PCDH7: variants seen among roughly 807,000 people sequenced by gnomAD.
PCDH7 encodes the protein protocadherin-7.
Under a neutral mutation model 58.9 loss-of-function variants are expected in PCDH7, and 17 were observed. The observed-to-expected ratio is 0.29, with a 90% CI of 0.20 to 0.43. The LOEUF (loss-of-function observed/expected upper bound fraction) is 0.43, where lower values mean the gene tolerates loss of function less well. Among genes scored for constraint, PCDH7 ranks in the 20% least tolerant of loss-of-function variants. The pLI is 1.00. For synonymous variants in PCDH7, 664 were observed against 616.4 expected (o/e 1.08, Z -1.14); for missense variants, 1,274 against 1,441.0 (o/e 0.88, Z 1.88).
At chr4:30,964,247 TTTA>T (rs1193823631) in intron 3 of PCDH7, among the ~76,000 whole-genome samples, 21 of 41,260 alleles carry the variant, frequency 5.1e-4, no homozygotes, top group African/African-American at 3.9e-3. Flanking sequence ...TATTTATTTA[TTTA>T]TTTTTTTTTG....
chr4:30,977,316 G>A (rs1040570791), intron 3 of PCDH7, among the ~76,000 whole-genome samples: 3 of 151,946 alleles, frequency 2.0e-5, no homozygotes, highest in Non-Finnish European at 2.9e-5. Flanking sequence ...CCTTATCCCT[G>A]GTTTCCTCTT....
At chr4:30,956,965 G>A (rs750640479) in intron 3 of PCDH7, among the ~76,000 whole-genome samples, 2 of 152,086 alleles carry the variant, frequency 1.3e-5, no homozygotes, top group Non-Finnish European at 2.9e-5. Flanking sequence ...CGTGGAGGTC[G>A]GCATCCCTTT....
intron 1 of PCDH7, among the ~76,000 whole-genome samples, chr4:30,748,252 G>T (rs1373271429): frequency 6.6e-6 from 1 of 152,158 alleles, no homozygotes; most frequent in Non-Finnish European, 1.5e-5. Context: ...GAGAAGGGGT[G>T]GTGAGGCCAG....
At chr4:30,953,870 G>A (rs1377985247) in intron 3 of PCDH7, among the ~76,000 whole-genome samples, 1 of 152,014 alleles carries the variant, frequency 6.6e-6, no homozygotes, top group African/African-American at 2.4e-5. Flanking sequence ...AACATTGGTG[G>A]AAGTAAAAGA....
chr4:30,996,237 G>A (rs1305460543), intron 3 of PCDH7, among the ~76,000 whole-genome samples: 6 of 151,986 alleles, frequency 3.9e-5, no homozygotes, highest in Admixed American at 3.3e-4. Flanking sequence ...AATAGTCATA[G>A]CCAAAGGCCA....
At chr4:31,091,832 A>G (rs905135451) in intron 3 of PCDH7, among the ~76,000 whole-genome samples, 2 of 151,982 alleles carry the variant, frequency 1.3e-5, no homozygotes, top group Non-Finnish European at 2.9e-5. Context: ...AAACATAGGG[A>G]GTGAGATTGT....
At chr4:30,963,853 G>A (rs1453331590) in intron 3 of PCDH7, among the ~76,000 whole-genome samples, 7 of 152,168 alleles carry the variant, frequency 4.6e-5, no homozygotes, top group Non-Finnish European at 8.8e-5. Context: ...ACTGAATTCA[G>A]AAGATCACTC....
chr4:31,021,962 G>A (rs573186270), intron 3 of PCDH7, among the ~76,000 whole-genome samples: 1 of 152,276 alleles, frequency 6.6e-6, no homozygotes, highest in Admixed American at 6.5e-5. Flanking sequence ...AAATTATAAG[G>A]TGAATGTACC....
chr4:30,977,495 C>A (rs1392582134), intron 3 of PCDH7, among the ~76,000 whole-genome samples: 3 of 152,108 alleles, frequency 2.0e-5, no homozygotes, highest in African/African-American at 7.2e-5. Flanking sequence ...TAAGATTTTT[C>A]TTCTTCCTTC....
intron 3 of PCDH7, among the ~76,000 whole-genome samples, chr4:31,082,718 T>G (rs890741278): frequency 6.2e-5 from 8 of 129,528 alleles, no homozygotes; most frequent in Admixed American, 3.1e-4. Flanking sequence ...AAGTAGGAAC[T>G]AAGCTATGAG....
intron 3 of PCDH7, among the ~76,000 whole-genome samples, chr4:30,953,183 T>C (rs1325808308): frequency 1.3e-5 from 2 of 152,130 alleles, no homozygotes; most frequent in African/African-American, 4.8e-5. Context: ...TGCTCCTATT[T>C]TGGGACATCT....
chr4:30,733,324 G>C (rs1170585837), downstream of PCDH7, among the ~76,000 whole-genome samples: 1 of 152,150 alleles, frequency 6.6e-6, no homozygotes, highest in South Asian at 2.1e-4. Flanking sequence ...TTTGGATAAA[G>C]TTTTTTCCTT....
intron 3 of PCDH7, among the ~76,000 whole-genome samples, chr4:31,116,469 C>T (rs1827140): frequency 0.56 from 84,628 of 152,038 alleles, 27,057 homozygotes; most frequent in African/African-American, 0.87. Context: ...GTGAGGGAAC[C>T]GAAGTAGACA....
chr4:30,832,766 A>G (rs898959126), intron 1 of PCDH7, among the ~76,000 whole-genome samples: 8 of 152,192 alleles, frequency 5.3e-5, no homozygotes, highest in African/African-American at 1.7e-4. Flanking sequence ...GCAGATATGA[A>G]TGAGGACACA....
intron 1 of PCDH7, among the ~76,000 whole-genome samples, chr4:30,897,293 G>A (rs1271350836): frequency 6.6e-6 from 1 of 152,088 alleles, no homozygotes; most frequent in African/African-American, 2.4e-5. Context: ...AAGATACGAG[G>A]TTTAAACATC....
chr4:30,727,100 A>G (rs995915544), intron 1 of PCDH7, among the ~76,000 whole-genome samples: 1 of 151,946 alleles, frequency 6.6e-6, no homozygotes, highest in African/African-American at 2.4e-5. Context: ...ATCTAAGGTA[A>G]AACTAGACTG....
chr4:30,958,368 A>T (rs2109455945), intron 3 of PCDH7, among the ~76,000 whole-genome samples: 1 of 152,192 alleles, frequency 6.6e-6, no homozygotes, highest in African/African-American at 2.4e-5. Context: ...TACTTATCAA[A>T]GAAAACATAA....
At chr4:30,944,635 T>C (rs1746455609) in intron 2 of PCDH7, among the ~76,000 whole-genome samples, 1 of 152,152 alleles carries the variant, frequency 6.6e-6, no homozygotes, top group South Asian at 2.1e-4. Flanking sequence ...AGTGAGGACT[T>C]AGGTTTTCCG....
At chr4:31,029,635 G>T (rs1191890008) in intron 3 of PCDH7, among the ~76,000 whole-genome samples, 3 of 152,200 alleles carry the variant, frequency 2.0e-5, no homozygotes, top group Non-Finnish European at 4.4e-5. Flanking sequence ...ACTTGGGTTT[G>T]CACATTAAAT....
Sources: gnomAD v4.1 joint callset for allele counts (sites outside exome capture counted in the v4.1 genomes callset) on GRCh38, gnomAD v4.1.1 for gene constraint, MANE v1.5 for transcripts, NCBI Gene and HGNC (gene_info 2026-07-23, HGNC 2026-07-21) for gene names.